Variants in NLGN1 observed in about 807,000 individuals in gnomAD.
The protein encoded by NLGN1 is neuroligin 1.
A neutral mutation model predicts 65.5 loss-of-function variants in NLGN1; 12 were observed. The ratio of observed to expected loss-of-function variants is 0.18; its 90% CI spans 0.12 to 0.30. The LOEUF (loss-of-function observed/expected upper bound fraction) is 0.30. Ranked by LOEUF, NLGN1 falls within the 10% of genes least tolerant of loss-of-function variation. The probability of loss-of-function intolerance (pLI) is 1.00; values close to 1 mark genes in which losing one functional copy is unlikely to be tolerated. For synonymous variants in NLGN1, 350 were observed against 359.5 expected (o/e 0.97, Z 0.30); for missense variants, 750 against 1,007.1 (o/e 0.74, Z 3.46).
intron 3 of NLGN1, among the ~76,000 whole-genome samples, chr3:173,757,061 G>A (rs527469558): frequency 5.8e-4 from 88 of 152,034 alleles, no homozygotes; most frequent in African/African-American, 2.0e-3. Context: ...TAATTATCTA[G>A]AGGTGATGAA....
chr3:174,034,519 T>C (rs1477055246), intron 4 of NLGN1, among the ~76,000 whole-genome samples: 1 of 152,046 alleles, frequency 6.6e-6, no homozygotes, highest in Non-Finnish European at 1.5e-5. Flanking sequence ...ATAAGTAAAA[T>C]GACAGCAATG....
intron 3 of NLGN1, among the ~76,000 whole-genome samples, chr3:173,612,695 A>G (rs549389372): frequency 3.3e-5 from 5 of 152,106 alleles, no homozygotes; most frequent in Non-Finnish European, 4.4e-5. Flanking sequence ...CTATTTACAA[A>G]TAAGGTCATT....
intron 4 of NLGN1, among the ~76,000 whole-genome samples, chr3:174,169,661 C>G (rs1244492596): frequency 6.6e-6 from 1 of 152,080 alleles, no homozygotes; most frequent in Non-Finnish European, 1.5e-5. Flanking sequence ...CCTAGCTTCA[C>G]CACAATCTCA....
intron 4 of NLGN1, among the ~76,000 whole-genome samples, chr3:174,274,042 C>T (rs932199885): frequency 5.9e-5 from 9 of 151,362 alleles, no homozygotes; most frequent in South Asian, 2.1e-4. Flanking sequence ...CAATCATTGA[C>T]CCATTATGTT....
At chr3:174,071,747 A>C (rs1560974358) in intron 4 of NLGN1, among the ~76,000 whole-genome samples, 1 of 151,326 alleles carries the variant, frequency 6.6e-6, no homozygotes, top group Admixed American at 6.6e-5. Flanking sequence ...TCAAGTGTGC[A>C]TTTGTTTGGA....
chr3:173,444,828 TTGTG>T (rs1413574276), intron 2 of NLGN1, among the ~76,000 whole-genome samples: 2 of 151,992 alleles, frequency 1.3e-5, no homozygotes, highest in Non-Finnish European at 2.9e-5. Flanking sequence ...CAGTATATAG[TTGTG>T]TGTGTTTGTA....
rs372860754 is a variant in NLGN1, at chr3:173,467,094, A to G, written c.-321+32016A>G. ...ATCAGAGGAAACCAGTGTTATCAAG[A>G]TGATTTAATTTAATTCCATCTTCTT... On this transcript the variant is annotated intron_variant, in intron 2 of 6. Transcript: ENST00000457714. Among the ~76,000 whole-genome samples, 21 of 152,268 alleles carry G rather than the reference A, an allele frequency of 1.4e-4. No individual in the cohort carries two copies. The South Asian group carries it at 1.4e-3, about 11-fold the overall frequency.
intron 4 of NLGN1, among the ~76,000 whole-genome samples, chr3:173,994,489 A>G (rs78120775): frequency 0.014 from 890 of 62,414 alleles, 12 homozygotes; most frequent in African/African-American, 0.064. Context: ...AAAAAAAAAA[A>G]AAAGAGAGAG....
intron 4 of NLGN1, among the ~76,000 whole-genome samples, chr3:173,968,013 T>C (rs1285863449): frequency 6.6e-6 from 1 of 152,182 alleles, no homozygotes; most frequent in East Asian, 1.9e-4. Flanking sequence ...TAACTTACAA[T>C]TCAAATGCGA....
intron 4 of NLGN1, among the ~76,000 whole-genome samples, chr3:173,953,088 A>G (rs1019410419): frequency 8.5e-5 from 13 of 152,120 alleles, no homozygotes; most frequent in Non-Finnish European, 1.2e-4. Context: ...CCTAAAATTT[A>G]CTTTTAACCT....
intron 4 of NLGN1, among the ~76,000 whole-genome samples, chr3:173,949,040 A>G (rs550140467): frequency 3.3e-5 from 5 of 152,204 alleles, no homozygotes; most frequent in African/African-American, 7.2e-5. Flanking sequence ...TTTTTTAACT[A>G]TGGTCAACCT....
At chr3:174,065,222 G>A (rs1472550674) in intron 4 of NLGN1, among the ~76,000 whole-genome samples, 1 of 152,014 alleles carries the variant, frequency 6.6e-6, no homozygotes, top group Non-Finnish European at 1.5e-5. Flanking sequence ...AAATTAAGTT[G>A]TGAGGTTCTT....
chr3:174,101,326 G>A (rs925459697), intron 4 of NLGN1, among the ~76,000 whole-genome samples: 1 of 152,080 alleles, frequency 6.6e-6, no homozygotes, highest in African/African-American at 2.4e-5. Flanking sequence ...AGCATGAGAC[G>A]AAAAATTGTA....
intron 2 of NLGN1, among the ~76,000 whole-genome samples, chr3:173,546,666 T>C (rs1473601308): frequency 3.9e-5 from 6 of 152,184 alleles, no homozygotes; most frequent in Admixed American, 3.9e-4. Context: ...TATGTATAGG[T>C]ATGATAAGCC....
intron 4 of NLGN1, among the ~76,000 whole-genome samples, chr3:173,947,231 A>G (rs1326744953): frequency 6.6e-6 from 1 of 151,994 alleles, no homozygotes; most frequent in Non-Finnish European, 1.5e-5. Flanking sequence ...CATGTTGATC[A>G]GGCTGGTCTC....
At chr3:174,092,971 G>T (rs1463736223) in intron 4 of NLGN1, among the ~76,000 whole-genome samples, 1 of 152,174 alleles carries the variant, frequency 6.6e-6, no homozygotes, top group Admixed American at 6.5e-5. Context: ...TTAGAAAGGA[G>T]CAGTCCCATA....
At chr3:173,916,895 G>A (rs1424345476) in intron 4 of NLGN1, among the ~76,000 whole-genome samples, 3 of 152,128 alleles carry the variant, frequency 2.0e-5, no homozygotes, top group Admixed American at 6.5e-5. Flanking sequence ...TCCTGTGATT[G>A]GACCAAACTG....
At chr3:173,506,830 G>T (rs1732103689) in intron 2 of NLGN1, among the ~76,000 whole-genome samples, 1 of 152,154 alleles carries the variant, frequency 6.6e-6, no homozygotes, top group South Asian at 2.1e-4. Context: ...ATTTTCAGTT[G>T]TGTCAGTCAT....
intron 4 of NLGN1, among the ~76,000 whole-genome samples, chr3:174,196,765 T>A (rs1409138850): frequency 1.3e-5 from 2 of 152,220 alleles, no homozygotes; most frequent in African/African-American, 4.8e-5. Context: ...AATCATGCTG[T>A]CATGATCTAC....
Sources: allele counts gnomAD v4.1 joint callset (sites outside exome capture counted in the v4.1 genomes callset), GRCh38; gene constraint gnomAD v4.1.1; transcripts MANE v1.5; gene names NCBI Gene and HGNC (gene_info 2026-07-23, HGNC 2026-07-21).